SCMH1: variants seen among roughly 807,000 people sequenced by gnomAD.
SCMH1 encodes the protein Scm polycomb group protein homolog 1, also known as polycomb protein SCMH1.
SCMH1 carries 37 observed loss-of-function variants against 70.8 expected under a neutral mutation model. That is an observed-to-expected ratio of 0.52 (90% CI 0.40 to 0.69). The LOEUF (loss-of-function observed/expected upper bound fraction) is 0.69. Among genes scored for constraint, SCMH1 ranks in the 30% least tolerant of loss-of-function variants. The pLI, the probability that SCMH1 is intolerant of heterozygous loss-of-function variation, is 0.00. For synonymous variants in SCMH1, 292 were observed against 307.4 expected, an observed-to-expected ratio of 0.95 and a Z score of 0.52; for missense variants, 607 against 827.3, an observed-to-expected ratio of 0.73 and a Z score of 3.27.
At chr1:41,221,351 A>T (rs1179797293) in intron 1 of SCMH1, among the ~76,000 whole-genome samples, 2 of 152,146 alleles carry the variant, frequency 1.3e-5, no homozygotes, top group African/African-American at 4.8e-5. Flanking sequence ...TAACAATGTG[A>T]ATGTACTTAA....
rs898070148 is a variant in SCMH1, at chr1:41,044,206, A to T, written c.1498+2201T>A. Among the ~76,000 whole-genome samples the T allele has an allele frequency of 5.3e-5, 8 of 152,098 alleles. No homozygotes were observed. The East Asian group carries it at 5.8e-4, about 11-fold the overall frequency. On this transcript the variant is annotated intron_variant, in intron 12 of 14. Transcript: ENST00000337495. ...TAGGGTAGTGTGGAGACAAGGATAT[A>T]GGAAAGGGGGAGGGCCAGTAAGCAC...
chr1:41,186,007 TATAAAGAAAAGG>T, intron 2 of SCMH1, 102 bp downstream of exon 2: 1 of 1,121,790 alleles, frequency 8.9e-7, no homozygotes, highest in Non-Finnish European at 1.2e-6. Context: ...ACATCATGGC[TATAAAGAAAAGG>T]ATAACGAGTA....
intron 10 of SCMH1, among the ~76,000 whole-genome samples, chr1:41,061,697 T>C (rs991014961): frequency 6.6e-6 from 1 of 152,212 alleles, no homozygotes; most frequent in African/African-American, 2.4e-5. Context: ...AAGGACATAA[T>C]TGAACTCAAT....
intron 1 of SCMH1, among the ~76,000 whole-genome samples, chr1:41,223,690 G>A (rs1189748674): frequency 1.3e-5 from 2 of 151,960 alleles, no homozygotes; most frequent in East Asian, 1.9e-4. Flanking sequence ...AATTTCCAGC[G>A]CCATCTTTAA....
At chr1:41,201,035 T>C (rs1023253787) in intron 1 of SCMH1, among the ~76,000 whole-genome samples, 4 of 152,222 alleles carry the variant, frequency 2.6e-5, no homozygotes, top group African/African-American at 9.6e-5. Context: ...TACAGTCTAA[T>C]AGGTTAGAAT....
chr1:41,070,888 T>C (rs142356397), intron 9 of SCMH1, among the ~76,000 whole-genome samples, 167 bp from the exon 10 acceptor site: 64 of 152,350 alleles, frequency 4.2e-4, no homozygotes, highest in African/African-American at 1.5e-3. Flanking sequence ...ATACCTGTAG[T>C]AGATGCTTAG....
At chr1:41,031,593 C>G (rs776232591) in intron 13 of SCMH1, among the ~76,000 whole-genome samples, 10 of 152,132 alleles carry the variant, frequency 6.6e-5, no homozygotes, top group Non-Finnish European at 1.2e-4. Context: ...ATCCCAGTGG[C>G]TTTTTGGAGG....
At chr1:41,144,769 T>C (rs1309835378) in intron 5 of SCMH1, among the ~76,000 whole-genome samples, 1 of 152,130 alleles carries the variant, frequency 6.6e-6, no homozygotes, top group Non-Finnish European at 1.5e-5. Context: ...CTTGCCATTG[T>C]TTGTCTTTTT....
chr1:41,168,802 CTG>C (rs1297721546), intron 2 of SCMH1, among the ~76,000 whole-genome samples: 1 of 152,116 alleles, frequency 6.6e-6, no homozygotes, highest in East Asian at 1.9e-4. Context: ...TCTCTAATCT[CTG>C]TGTTTATTCA....
chr1:41,104,444 T>C (rs1427942106), intron 8 of SCMH1, among the ~76,000 whole-genome samples: 2 of 152,216 alleles, frequency 1.3e-5, no homozygotes, highest in African/African-American at 4.8e-5. Context: ...TGAGTGGCTA[T>C]TCTCATTAAA....
intron 8 of SCMH1, among the ~76,000 whole-genome samples, chr1:41,090,559 G>A (rs765892791): frequency 1.3e-4 from 19 of 151,714 alleles, no homozygotes; most frequent in Non-Finnish European, 2.5e-4. Flanking sequence ...AAATGCTTGA[G>A]GTGATTGATA....
chr1:41,117,982 T>C (rs1557520405), intron 6 of SCMH1, among the ~76,000 whole-genome samples: 1 of 152,132 alleles, frequency 6.6e-6, no homozygotes, highest in African/African-American at 2.4e-5. Context: ...CTGTCTTTTA[T>C]CTCTTCGTCT....
intron 10 of SCMH1, among the ~76,000 whole-genome samples, chr1:41,050,800 A>T (rs948363770): frequency 6.6e-6 from 1 of 152,128 alleles, no homozygotes; most frequent in Non-Finnish European, 1.5e-5. Flanking sequence ...ACGCTCTCAT[A>T]ATTTGCAAAA....
chr1:41,220,626 C>T (rs1659057209), intron 1 of SCMH1, among the ~76,000 whole-genome samples: 1 of 152,212 alleles, frequency 6.6e-6, no homozygotes, highest in Admixed American at 6.5e-5. Context: ...TTTGTTAACA[C>T]ATGTTACGGT....
intron 1 of SCMH1, among the ~76,000 whole-genome samples, chr1:41,199,246 C>A (rs1653729373): frequency 6.6e-6 from 1 of 152,070 alleles, no homozygotes; most frequent in African/African-American, 2.4e-5. Context: ...ACCTCCAAAC[C>A]AAGAAAGAGC....
intron 5 of SCMH1, 48 bp from the exon 6 acceptor site, chr1:41,143,160 C>G (rs778126410): frequency 6.9e-7 from 1 of 1,458,736 alleles, no homozygotes; most frequent in East Asian, 2.3e-5. Flanking sequence ...AGTAAAACCC[C>G]AAAATTCATG....
At chr1:41,191,675 T>G (rs1173360533) in intron 1 of SCMH1, among the ~76,000 whole-genome samples, 1 of 152,228 alleles carries the variant, frequency 6.6e-6, no homozygotes, top group Non-Finnish European at 1.5e-5. Context: ...TGTTTGCATT[T>G]GGTATACTTC....
In SCMH1 at chr1:41,181,388, A is replaced by G. The variant is rs567643730; in HGVS notation, c.13+4733T>C. Among the ~76,000 whole-genome samples the G allele has an allele frequency of 2.0e-5, 3 of 152,346 alleles. No homozygotes were observed. The East Asian group carries it at 5.8e-4, about 29-fold the overall frequency. On this transcript the variant is annotated intron_variant, in intron 2 of 14. Coordinates refer to ENST00000337495, the Ensembl canonical transcript of SCMH1. ...TAAAGAGCTTCTGCACAGCAAAAGAAACTACCATCAGAGTGAACAGGCAAC... is the reference window on the plus strand; with the variant it reads ...TAAAGAGCTTCTGCACAGCAAAAGAGACTACCATCAGAGTGAACAGGCAAC...
At chr1:41,087,541 A>G (rs1662088691) in intron 8 of SCMH1, among the ~76,000 whole-genome samples, 1 of 152,016 alleles carries the variant, frequency 6.6e-6, no homozygotes, top group Non-Finnish European at 1.5e-5. Flanking sequence ...ATAAAATGGC[A>G]CCCTAGACAT....
Sources: gnomAD v4.1 joint callset for allele counts (sites outside exome capture counted in the v4.1 genomes callset) on GRCh38, gnomAD v4.1.1 for gene constraint, MANE v1.5 for transcripts, NCBI Gene and HGNC (gene_info 2026-07-23, HGNC 2026-07-21) for gene names.